Variants in ABCC11 observed in about 807,000 individuals in gnomAD.
The protein encoded by ABCC11 is ATP-binding cassette sub-family C member 11.
A neutral mutation model predicts 149.3 loss-of-function variants in ABCC11; 135 were observed. The ratio of observed to expected loss-of-function variants is 0.90; its 90% CI spans 0.79 to 1.04. ABCC11 has a LOEUF of 1.04. Ranked by LOEUF, ABCC11 falls within the 50% of genes least tolerant of loss-of-function variation. ABCC11 has a pLI of 0.00. For synonymous variants in ABCC11, 665 were observed against 671.4 expected (o/e 0.99, Z 0.15); for missense variants, 1,680 against 1,722.1 (o/e 0.98, Z 0.43).
chr16:48,178,740 C>T, intron 23 of ABCC11, 54 bp from the exon 24 acceptor site: 4 of 1,452,668 alleles, frequency 2.8e-6, no homozygotes, highest in Non-Finnish European at 3.9e-6. Flanking sequence ...TGTGCTCAGG[C>T]TCTTCAACGC....
chr16:48,215,087 A>G, intron 8 of ABCC11, 58 bp from the exon 9 acceptor site: 1 of 1,599,402 alleles, frequency 6.3e-7, no homozygotes, highest in Non-Finnish European at 8.5e-7. Flanking sequence ...TCCAAAGAGC[A>G]CAGCACCATC....
At chr16:48,208,304 A>G in intron 12 of ABCC11, 121 bp downstream of exon 12, 1 of 1,054,466 alleles carries the variant, frequency 9.5e-7, no homozygotes, top group Non-Finnish European at 1.4e-6. Flanking sequence ...ATTTATAAAA[A>G]TCCCACTTGC....
In ABCC11 at chr16:48,186,984, C is replaced by T. The variant is rs1308015523; in HGVS notation, c.3040G>A (p.Val1014Ile). Residue 1014 changes from valine (V) to isoleucine (I), a missense_variant, in exon 22 of 30, where the codon GTC (valine) becomes ATC (isoleucine). By Grantham distance (29) the Val-to-Ile change is conservative (BLOSUM62 3). Transcript: ENST00000356608. ...ATGAAGTCTTCAGTTTTTCCATAGA[C>T]ATGGATGGAGCTCAGGCCTTGCAGA... ...NSLQGLSSIH[V>I]YGKTEDFISQ... The T allele has an allele frequency of 6.2e-7, 1 of 1,614,038 alleles. No homozygotes were observed. The highest frequency in any genetic ancestry group is 8.5e-7 in the Non-Finnish European group (1 of 1,180,024).
chr16:48,233,963 A>G (rs1179889147), intron 1 of ABCC11, among the ~76,000 whole-genome samples: 1 of 152,258 alleles, frequency 6.6e-6, no homozygotes, highest in African/African-American at 2.4e-5. Context: ...CTGAAAGAAT[A>G]TTCCCTTATT....
chr16:48,227,461 GA>G, intron 4 of ABCC11, among the ~76,000 whole-genome samples: 1 of 127,722 alleles, frequency 7.8e-6, no homozygotes, highest in South Asian at 2.4e-4. Flanking sequence ...GGGTGACAGA[GA>G]AAGACTCCAT....
intron 22 of ABCC11, among the ~76,000 whole-genome samples, chr16:48,185,880 C>T (rs1479581673): frequency 6.6e-6 from 1 of 152,184 alleles, no homozygotes; most frequent in Non-Finnish European, 1.5e-5. Context: ...CTACTTCCCC[C>T]ATCTCATGGT....
At chr16:48,230,348 G>A (rs1970347140) in intron 3 of ABCC11, 89 bp downstream of exon 3, 12 of 1,438,654 alleles carry the variant, frequency 8.3e-6, no homozygotes, top group Non-Finnish European at 1.1e-5. Context: ...ATGTAGTTAT[G>A]CAACCTTCGT....
rs201014491 is a variant in ABCC11, at chr16:48,178,655, A to G, written c.3290T>C (p.Ile1097Thr). Reference protein sequence around the residue: ...LASSFQATARIGLETEAQFTA... With the variant: ...LASSFQATARTGLETEAQFTA... ...GAACTGTGCCTCTGTCTCCAAGCCAATCCGGGCAGTGGCCTGGAAGCTGGA... is the reference window on the plus strand; with the variant it reads ...GAACTGTGCCTCTGTCTCCAAGCCAGTCCGGGCAGTGGCCTGGAAGCTGGA... Residue 1097 changes from isoleucine to threonine, a missense_variant, in exon 24 of 30, where the codon ATT becomes ACT. By Grantham distance (89) the Ile-to-Thr change is moderately conservative (BLOSUM62 -1). Transcript: ENST00000356608. 3 of 1,614,168 alleles carry G rather than the reference A, an allele frequency of 1.9e-6. No homozygotes were observed. Among genetic ancestry groups the G allele is most frequent in the Middle Eastern group, 1.7e-4 (1 of 6,060 alleles).
intron 1 of ABCC11, among the ~76,000 whole-genome samples, chr16:48,240,047 G>C (rs1970885882): frequency 6.6e-6 from 1 of 152,194 alleles, no homozygotes; most frequent in South Asian, 2.1e-4. Flanking sequence ...AGGTTGCAGA[G>C]AAAAAGGAAT....
In ABCC11 at chr16:48,187,321, G is replaced by C. The variant is rs55713504; in HGVS notation, c.2813C>G (p.Ser938Ter). Residue 938 changes from serine to a stop codon, truncating the protein, a stop_gained, in exon 21 of 30, where the codon TCA (serine) becomes TGA (stop). Transcript: ENST00000356608. LOFTEE classifies it high-confidence loss of function. ...TAAGGACAGGACCAGGAACTGCTCT[G>C]AAAAGATGGGCAAGAGCTGGTCCAG... is the stretch of plus-strand genomic sequence containing the variant. ...EQLDQLLPIF[S>*]EQFLVLSLMV... 2,564 of 1,614,210 alleles carry C rather than the reference G, an allele frequency of 1.6e-3. 2 individuals carry two copies. Among genetic ancestry groups the C allele is most frequent in the Non-Finnish European group, 1.9e-3 (2,286 of 1,180,036 alleles).
In ABCC11 at chr16:48,242,226, G is replaced by C. The variant is rs539992005; in HGVS notation, c.-19+5088C>G. Among the ~76,000 whole-genome samples the C allele has an allele frequency of 1.5e-3, 229 of 152,308 alleles. 2 individuals are homozygous for C. The highest frequency in any genetic ancestry group is 5.3e-3 in the African/African-American group (221 of 41,548). On this transcript the variant is annotated intron_variant, in intron 1 of 29. Coordinates refer to ENST00000356608, the MANE Select transcript of ABCC11 (RefSeq NM_001370497.1). ...AAAAATCAAACAACCCCATCTAAAAGTGGGCAAAGGATATGAACAGACACT... is the reference window on the plus strand; with the variant it reads ...AAAAATCAAACAACCCCATCTAAAACTGGGCAAAGGATATGAACAGACACT...
intron 12 of ABCC11, 83 bp from the exon 13 acceptor site, chr16:48,205,620 C>T: frequency 6.5e-7 from 1 of 1,538,406 alleles, no homozygotes; most frequent in Non-Finnish European, 8.8e-7. Flanking sequence ...GTGCCCAGGG[C>T]CCCACTGCCC....
At chr16:48,227,650 C>T (rs548593601) in intron 4 of ABCC11, among the ~76,000 whole-genome samples, 156 bp downstream of exon 4, 48 of 152,136 alleles carry the variant, frequency 3.2e-4, no homozygotes, top group African/African-American at 1.1e-3. Flanking sequence ...ATGAACCCCA[C>T]GTTAAAAACC....
chr16:48,201,313 GT>G (rs1967949490), intron 14 of ABCC11, among the ~76,000 whole-genome samples: 1 of 152,116 alleles, frequency 6.6e-6, no homozygotes. Context: ...GGTCTCCTCT[GT>G]TGCCCAGGCT....
rs1490549128 is a variant in ABCC11 at position 48,176,916 on chromosome 16, C to G, written c.3538+8G>C. 2 of 1,612,346 alleles carry G rather than the reference C, an allele frequency of 1.2e-6. No individual in the cohort carries two copies. The highest frequency in any genetic ancestry group is 2.7e-5 in the African/African-American group (2 of 74,888). On this transcript the variant is annotated splice_region_variant and intron_variant, in intron 25 of 29. Transcript: ENST00000356608. ...GCTGGGGACGCTCGCCCAGGAAGCTCAGCTCACCAGAGCCCGTCCTTCCCA... is the reference window on the plus strand; with the variant it reads ...GCTGGGGACGCTCGCCCAGGAAGCTGAGCTCACCAGAGCCCGTCCTTCCCA...
chr16:48,244,300 G>A, intron 1 of ABCC11: 1 of 927,650 alleles, frequency 1.1e-6, no homozygotes, highest in Non-Finnish European at 1.5e-6. Context: ...GCGTGGAGGC[G>A]GGTCTGAGGT....
intron 13 of ABCC11, 72 bp from the exon 14 acceptor site, chr16:48,203,372 G>T: frequency 1.4e-6 from 2 of 1,379,508 alleles, no homozygotes; most frequent in Non-Finnish European, 2.0e-6. Context: ...AGTGTCGAGA[G>T]GAATGGTCTT....
At chr16:48,217,206 A>G (rs1969404087) in intron 6 of ABCC11, among the ~76,000 whole-genome samples, 1 of 151,966 alleles carries the variant, frequency 6.6e-6, no homozygotes, top group Non-Finnish European at 1.5e-5. Flanking sequence ...TCTTCACTCG[A>G]TTCTATTCAT....
At chr16:48,198,407 A>G (rs963150188) in intron 15 of ABCC11, 132 bp from the exon 16 acceptor site, 7 of 1,006,212 alleles carry the variant, frequency 7.0e-6, no homozygotes, top group Non-Finnish European at 1.0e-5. Context: ...CAAACATTCA[A>G]AAGTTGGACA....
Sources: gnomAD v4.1 joint callset for allele counts (sites outside exome capture counted in the v4.1 genomes callset) on GRCh38, gnomAD v4.1.1 for gene constraint, MANE v1.5 for transcripts, NCBI Gene and HGNC (gene_info 2026-07-23, HGNC 2026-07-21) for gene names.